The following ARNT variants were observed in gnomAD, a reference collection of about 807,000 sequenced individuals.
ARNT encodes aryl hydrocarbon receptor nuclear translocator, also known as class E basic helix-loop-helix protein 2.
Under a neutral mutation model 105.0 loss-of-function variants are expected in ARNT, and 30 were observed. That is an observed-to-expected ratio of 0.29 (90% CI 0.21 to 0.39). The LOEUF (loss-of-function observed/expected upper bound fraction) is 0.39. Ranked by LOEUF, ARNT falls within the 10% of genes least tolerant of loss-of-function variation. The pLI is 1.00. For synonymous variants in ARNT, 304 were observed against 344.0 expected (o/e 0.88, Z 1.29); for missense variants, 748 against 978.7 (o/e 0.76, Z 3.15).
chr1:150,829,052 C>G, intron 12 of ARNT, 41 bp downstream of exon 12: 1 of 1,605,796 alleles, frequency 6.2e-7, no homozygotes, highest in Non-Finnish European at 8.5e-7. Flanking sequence ...GTCAACATAG[C>G]CAAAGGAAAA....
chr1:150,852,988 T>A, intron 2 of ARNT, 182 bp from the exon 3 acceptor site: 1 of 767,912 alleles, frequency 1.3e-6, no homozygotes, highest in Non-Finnish European at 2.1e-6. Context: ...GGCAAAGAAG[T>A]ACAAAACTGG....
chr1:150,828,603 C>T (rs910121207), intron 12 of ARNT, among the ~76,000 whole-genome samples: 1 of 152,000 alleles, frequency 6.6e-6, no homozygotes, highest in Non-Finnish European at 1.5e-5. Context: ...CTCTTTTTCA[C>T]CAACCTCTTT....
In ARNT at chr1:150,811,655, A is replaced by G; in HGVS notation, c.*366T>C. The G allele has an allele frequency of 2.1e-5, 5 of 237,300 alleles. No homozygotes were observed. Among genetic ancestry groups the G allele is most frequent in the African/African-American group, 8.8e-5 (4 of 45,614 alleles). The allele number at this position is 237,300 out of a possible 1,614,324, so 14.7% of individuals were successfully genotyped here. A position where few individuals can be genotyped will look rare whatever the true frequency, so the allele number is the denominator to read the frequency against. The stretch of plus-strand genomic sequence containing the variant: ...TCCACTCTCTTCAGAATTTCTTTCC[A>G]AAAACAAGCCATACTATCCAAGGCA... On this transcript the variant is annotated 3_prime_UTR_variant, in exon 22 of 22. Transcript: ENST00000358595.
chr1:150,823,803 G>T (rs775028030), intron 13 of ARNT, among the ~76,000 whole-genome samples: 1 of 150,536 alleles, frequency 6.6e-6, no homozygotes, highest in Non-Finnish European at 1.5e-5. Flanking sequence ...GCCCGCCTCG[G>T]CCTCCCAAAG....
At chr1:150,873,309 A>C (rs587709860) in intron 1 of ARNT, among the ~76,000 whole-genome samples, 198 of 151,198 alleles carry the variant, frequency 1.3e-3, no homozygotes, top group African/African-American at 4.2e-3. Flanking sequence ...AACAAACAAA[A>C]AAAAAACAAA....
chr1:150,858,746 G>A (rs2102298624), intron 1 of ARNT, among the ~76,000 whole-genome samples: 1 of 150,218 alleles, frequency 6.7e-6, no homozygotes, highest in East Asian at 1.9e-4. Context: ...CTCAGCTTCT[G>A]GAATAGCTAG....
chr1:150,829,621 TC>T, intron 11 of ARNT: 1 of 567,556 alleles, frequency 1.8e-6, no homozygotes, highest in South Asian at 1.8e-5. Context: ...GGATCTTTCT[TC>T]TTTTGTATAG....
intron 4 of ARNT, among the ~76,000 whole-genome samples, chr1:150,845,675 G>A (rs976475269): frequency 2.3e-4 from 35 of 151,872 alleles, no homozygotes; most frequent in African/African-American, 6.8e-4. Flanking sequence ...AGGCCGAGGC[G>A]GGCGGATCAC....
At chr1:150,868,425 T>C (rs1424208621) in intron 1 of ARNT, among the ~76,000 whole-genome samples, 1 of 152,134 alleles carries the variant, frequency 6.6e-6, no homozygotes, top group Non-Finnish European at 1.5e-5. Context: ...CAATCAGTGA[T>C]AAAGACCTAG....
intron 1 of ARNT, among the ~76,000 whole-genome samples, chr1:150,873,010 C>T (rs1224773055): frequency 6.6e-6 from 1 of 151,848 alleles, no homozygotes; most frequent in African/African-American, 2.4e-5. Flanking sequence ...CCGGGCCGGG[C>T]ACGGTGACTC....
rs72992007 is a variant in ARNT at position 150,825,346 on chromosome 1, G to A, written c.1242+1197C>T. 8.7e-3 allele frequency among the ~76,000 whole-genome samples: 1,329 copies of A among 152,088 alleles called. 17 individuals are homozygous for A. Among genetic ancestry groups the A allele is most frequent in the African/African-American group, 0.03 (1,260 of 41,452 alleles). On this transcript the variant is annotated intron_variant, in intron 13 of 21. Transcript: ENST00000358595. Reference sequence around the variant, plus strand: ...ACCTTATTTAATCTTCCCAACAACCGTCTGAATTTAGGTACTATTAATATA... The same window carrying A: ...ACCTTATTTAATCTTCCCAACAACCATCTGAATTTAGGTACTATTAATATA...
intron 2 of ARNT, among the ~76,000 whole-genome samples, chr1:150,855,330 G>A (rs917384669): frequency 3.9e-5 from 6 of 152,042 alleles, no homozygotes; most frequent in Middle Eastern, 3.4e-3. Context: ...CAAGGCAGGC[G>A]GATCACGAAG....
Position 150,836,326 on chromosome 1 carries a change from C to T in ARNT, c.654G>A (p.Val218=). The T allele has an allele frequency of 1.9e-6, 3 of 1,614,136 alleles. No individual in the cohort carries two copies. In the South Asian group the frequency reaches 3.3e-5, roughly 18 times the overall value. ...TLYDQVHPDD[V]DKLREQLSTS... ...TGGAAAGCTGCTCACGAAGTTTATC[C>T]ACATCATCTGGGTGCACCTGATCAT... The change falls in exon 7 of 22, where the codon GTG becomes GTA. Residue 218 remains valine (V), a synonymous_variant. Coordinates refer to ENST00000358595, the MANE Select transcript of ARNT (RefSeq NM_001668.4).
rs1361484359 is a variant in ARNT at position 150,842,479 on chromosome 1, A to G, written c.228-11T>C. On this transcript the variant is annotated splice_polypyrimidine_tract_variant and intron_variant, in intron 4 of 21. Transcript: ENST00000358595. ...TGCTCATCATCCGACCTAAAAATAG[A>G]ATTAATGAACTAAGCTAAAATTAAA... 1 of 1,609,540 alleles carries G rather than the reference A, an allele frequency of 6.2e-7. No individual in the cohort carries two copies. Among genetic ancestry groups the G allele is most frequent in the Admixed American group, 1.7e-5 (1 of 59,796 alleles).
intron 15 of ARNT, 126 bp from the exon 16 acceptor site, chr1:150,817,559 AC>A: frequency 2.3e-6 from 2 of 876,266 alleles, no homozygotes; most frequent in Non-Finnish European, 3.5e-6. Flanking sequence ...TGTAATCCCA[AC>A]ACTTTGGGAG....
intron 13 of ARNT, among the ~76,000 whole-genome samples, chr1:150,824,558 A>T (rs1005101423): frequency 6.7e-6 from 1 of 148,976 alleles, no homozygotes; most frequent in Non-Finnish European, 1.5e-5. Context: ...GGTTCAAGTG[A>T]TTCTCCTGCC....
chr1:150,852,890 G>T, intron 2 of ARNT, 84 bp from the exon 3 acceptor site: 1 of 1,504,094 alleles, frequency 6.6e-7, no homozygotes, highest in Non-Finnish European at 9.2e-7. Flanking sequence ...ACAAGCTACC[G>T]GAACACCCAC....
intron 11 of ARNT, among the ~76,000 whole-genome samples, chr1:150,829,696 G>GA (rs1399631921): frequency 6.6e-6 from 1 of 152,114 alleles, no homozygotes; most frequent in Non-Finnish European, 1.5e-5. Context: ...AAGACAAGGG[G>GA]AAAAAGATCT....
rs1557837200 is a variant in ARNT at position 150,811,479 on chromosome 1, T to TACACAC, written c.*536_*541dup. ...GTGCGCACACACACACACACACACA[T>TACACAC]ACACACACACTCTCTCTCACTTACT... On this transcript the variant is annotated 3_prime_UTR_variant, in exon 22 of 22. Transcript: ENST00000358595. The TACACAC allele has an allele frequency of 1.5e-5, 2 of 131,614 alleles. No homozygotes were observed. Among genetic ancestry groups the TACACAC allele is most frequent in the Non-Finnish European group, 2.9e-5 (2 of 69,140 alleles). The allele number at this position is 131,614 out of a possible 1,614,324, so 8.2% of individuals were successfully genotyped here.
Sources: gnomAD v4.1 joint callset for allele counts (sites outside exome capture counted in the v4.1 genomes callset) on GRCh38, gnomAD v4.1.1 for gene constraint, MANE v1.5 for transcripts, NCBI Gene and HGNC (gene_info 2026-07-23, HGNC 2026-07-21) for gene names.